Variants in PIGU observed in about 807,000 individuals in gnomAD.
PIGU encodes phosphatidylinositol glycan anchor biosynthesis class U.
PIGU carries 24 observed loss-of-function variants against 49.9 expected under a neutral mutation model. The ratio of observed to expected loss-of-function variants is 0.48; its 90% CI spans 0.35 to 0.68. PIGU has a LOEUF of 0.68. Ranked by LOEUF, PIGU falls within the 30% of genes least tolerant of loss-of-function variation. The pLI, the probability that PIGU is intolerant of heterozygous loss-of-function variation, is 0.01. For missense variants in PIGU, 490 were observed against 532.6 expected, an observed-to-expected ratio of 0.92 and a Z score of 0.79; for synonymous variants, 220 against 205.7, an observed-to-expected ratio of 1.07 and a Z score of -0.59.
intron 2 of PIGU, among the ~76,000 whole-genome samples, chr20:34,648,058 T>A (rs1463293682): frequency 1.3e-5 from 2 of 152,042 alleles, no homozygotes; most frequent in Non-Finnish European, 2.9e-5. Flanking sequence ...GAGAACAGCC[T>A]GGACAACATA....
At chr20:34,664,214 G>C (rs758949260) in intron 1 of PIGU, among the ~76,000 whole-genome samples, 2 of 152,080 alleles carry the variant, frequency 1.3e-5, no homozygotes, top group African/African-American at 2.4e-5. Flanking sequence ...GTAATGGCTT[G>C]ATCATAGCTC....
chr20:34,607,746 T>C (rs1473539164), intron 7 of PIGU, among the ~76,000 whole-genome samples: 2 of 152,100 alleles, frequency 1.3e-5, no homozygotes, highest in African/African-American at 2.4e-5. Flanking sequence ...GGATCATGAG[T>C]ACCCCACTAG....
intron 6 of PIGU, among the ~76,000 whole-genome samples, chr20:34,619,653 G>A (rs892243895): frequency 1.3e-5 from 2 of 152,096 alleles, no homozygotes; most frequent in African/African-American, 2.4e-5. Flanking sequence ...AATCAACACA[G>A]CCATCTCTTG....
At chr20:34,600,612 A>G (rs1022444759) in intron 7 of PIGU, among the ~76,000 whole-genome samples, 4 of 149,062 alleles carry the variant, frequency 2.7e-5, no homozygotes, top group African/African-American at 1.0e-4. Flanking sequence ...CCCAGGAGAG[A>G]AAAAAAAAAT....
chr20:34,612,483 A>C (rs1407027446), intron 7 of PIGU, among the ~76,000 whole-genome samples: 1 of 152,134 alleles, frequency 6.6e-6, no homozygotes, highest in Non-Finnish European at 1.5e-5. Context: ...ATACCTATGT[A>C]ACAAACCTGC....
At chr20:34,591,553 C>T (rs1343514991) in intron 7 of PIGU, among the ~76,000 whole-genome samples, 1 of 152,108 alleles carries the variant, frequency 6.6e-6, no homozygotes, top group Non-Finnish European at 1.5e-5. Context: ...GAATCTTTAT[C>T]ATACAGACTT....
At chr20:34,645,971 CAT>C (rs1389543329) in intron 2 of PIGU, among the ~76,000 whole-genome samples, 2 of 152,080 alleles carry the variant, frequency 1.3e-5, no homozygotes, top group Admixed American at 6.6e-5. Flanking sequence ...AGTTCTAAGA[CAT>C]ATATAATAGC....
chr20:34,671,408 T>C (rs891499892), intron 1 of PIGU, among the ~76,000 whole-genome samples: 4 of 151,990 alleles, frequency 2.6e-5, no homozygotes, highest in South Asian at 4.1e-4. Flanking sequence ...ATTACAGTCA[T>C]GCACCACCAC....
chr20:34,630,255 G>C lies in PIGU; in HGVS notation c.529+4360C>G, dbSNP rs1313466375. Among the ~76,000 whole-genome samples the C allele has an allele frequency of 2.0e-5, 3 of 151,978 alleles. No individual in the cohort carries two copies. The South Asian group carries it at 6.2e-4, about 32-fold the overall frequency. On this transcript the variant is annotated intron_variant, in intron 6 of 11. Coordinates refer to ENST00000217446, the MANE Select transcript of PIGU (RefSeq NM_080476.5). ...TCAGTTCTGGAGAAAGCTAACTAAG[G>C]GCACAAGTCTAGGAACTACTTTGCA...
chr20:34,609,465 A>G (rs1984736517), intron 7 of PIGU, among the ~76,000 whole-genome samples: 3 of 151,996 alleles, frequency 2.0e-5, no homozygotes, highest in Admixed American at 2.0e-4. Flanking sequence ...TCCGCGTTCA[A>G]GCAATTCTCT....
intron 1 of PIGU, among the ~76,000 whole-genome samples, chr20:34,672,051 GCCTTAGCGTC>G (rs1359556318): frequency 6.6e-6 from 1 of 152,122 alleles, no homozygotes; most frequent in Non-Finnish European, 1.5e-5. Flanking sequence ...CAATCCTCCT[GCCTTAGCGTC>G]CCGAGTAGCT....
At chr20:34,606,051 C>T (rs1984598653) in intron 7 of PIGU, among the ~76,000 whole-genome samples, 1 of 151,848 alleles carries the variant, frequency 6.6e-6, no homozygotes, top group Admixed American at 6.6e-5. Context: ...GTCAGGAGAT[C>T]GAGACCATCC....
intron 7 of PIGU, among the ~76,000 whole-genome samples, chr20:34,594,240 C>T (rs1984105168): frequency 6.6e-6 from 1 of 152,190 alleles, no homozygotes; most frequent in African/African-American, 2.4e-5. Flanking sequence ...AGAAATCTAT[C>T]TTGAAGATAT....
chr20:34,601,570 C>T (rs1984426648), intron 7 of PIGU, among the ~76,000 whole-genome samples: 1 of 152,126 alleles, frequency 6.6e-6, no homozygotes, highest in Admixed American at 6.6e-5. Context: ...GGGGAAAGAA[C>T]ACCCAGGGCA....
In PIGU at chr20:34,620,248, C is replaced by T. The variant is rs74316548; in HGVS notation, c.530-4109G>A. 7.9e-4 allele frequency among the ~76,000 whole-genome samples: 120 copies of T among 152,348 alleles called. No individual in the cohort carries two copies. In the East Asian group the frequency reaches 0.022, roughly 28 times the overall value. ...TCACCTCTCACCACTCTTCCACACA[C>T]GCCCTGTCCTCCAGCTACACTGGAC... On this transcript the variant is annotated intron_variant, in intron 6 of 11. Transcript: ENST00000217446.
rs1600655033 is a variant in PIGU, at chr20:34,643,992, T to C, written c.318+172A>G. 33 of 519,252 alleles carry C rather than the reference T, an allele frequency of 6.4e-5. No homozygotes were observed. The South Asian group carries it at 7.4e-4, about 12-fold the overall frequency. The allele number at this position is 519,252 out of a possible 1,614,324, so 32.2% of individuals were successfully genotyped here. A position where few individuals can be genotyped will look rare whatever the true frequency, so the allele number is the denominator to read the frequency against. ...CCTTCTTTATCTGTTAGTAAAGCTGTCTTGTGGGTTTGGGGTTGATCATTC... is the reference window on the plus strand; with the variant it reads ...CCTTCTTTATCTGTTAGTAAAGCTGCCTTGTGGGTTTGGGGTTGATCATTC... On this transcript the variant is annotated intron_variant, in intron 4 of 11. Coordinates refer to ENST00000217446, the MANE Select transcript of PIGU (RefSeq NM_080476.5).
intron 5 of PIGU, among the ~76,000 whole-genome samples, 182 bp from the exon 6 acceptor site, chr20:34,634,897 G>C (rs760290357): frequency 2.6e-5 from 4 of 152,172 alleles, no homozygotes; most frequent in African/African-American, 4.8e-5. Flanking sequence ...AAAAGGTACT[G>C]AACATGGACT....
intron 4 of PIGU, among the ~76,000 whole-genome samples, chr20:34,642,138 T>C (rs530656777): frequency 2.0e-5 from 3 of 152,344 alleles, no homozygotes; most frequent in Non-Finnish European, 4.4e-5. Flanking sequence ...CCTGTTGACA[T>C]TGAAGCCTGA....
chr20:34,605,222 C>T (rs2146730811), intron 7 of PIGU, among the ~76,000 whole-genome samples: 2 of 152,278 alleles, frequency 1.3e-5, no homozygotes, highest in Middle Eastern at 6.8e-3. Context: ...CGGATGGAAC[C>T]AGATGGGCTC....
Sources: allele counts gnomAD v4.1 joint callset (sites outside exome capture counted in the v4.1 genomes callset), GRCh38; gene constraint gnomAD v4.1.1; transcripts MANE v1.5; gene names NCBI Gene and HGNC (gene_info 2026-07-23, HGNC 2026-07-21).